The following CSMD3 variants were observed in gnomAD, a reference collection of about 807,000 sequenced individuals.
CSMD3 encodes CUB and Sushi multiple domains 3.
In CSMD3, 177 loss-of-function variants were observed where a neutral mutation model predicts 435.2. The observed-to-expected ratio is 0.41, with a 90% CI of 0.36 to 0.46. The LOEUF (loss-of-function observed/expected upper bound fraction) is 0.46, where lower values mean the gene tolerates loss of function less well. CSMD3 is among the 20% of genes least tolerant of loss of function. The pLI is 0.34. For synonymous variants in CSMD3, 1,656 were observed against 1,520.5 expected (o/e 1.09, Z -2.07); for missense variants, 4,265 against 4,504.6 (o/e 0.95, Z 1.52).
At chr8:112,756,678 C>T (rs548880386) in intron 13 of CSMD3, among the ~76,000 whole-genome samples, 5 of 151,850 alleles carry the variant, frequency 3.3e-5, no homozygotes, top group South Asian at 2.1e-4. Context: ...ACATGTACTA[C>T]GTTAGAATGA....
At chr8:113,195,814 T>TATATATATATATATAA (rs1344054794) in intron 3 of CSMD3, among the ~76,000 whole-genome samples, 1 of 133,444 alleles carries the variant, frequency 7.5e-6, no homozygotes, top group African/African-American at 2.9e-5. Context: ...TATATATATA[T>TATATATATATATATAA]ACACACACAC....
In CSMD3 at chr8:112,905,130, T is replaced by C. The variant is rs545348767; in HGVS notation, c.1633+16497A>G. 4.0e-5 allele frequency among the ~76,000 whole-genome samples: 6 copies of C among 151,420 alleles called. 1 individual carries two copies. In the South Asian group the frequency reaches 8.3e-4, roughly 21 times the overall value. On this transcript the variant is annotated intron_variant, in intron 10 of 70. Transcript: ENST00000297405. ...TGAGAAATAGCAAAATAAAGATATA[T>C]GGTAGACAGTGCCCTTAGCTTATGA... is the stretch of plus-strand genomic sequence containing the variant.
intron 31 of CSMD3, among the ~76,000 whole-genome samples, chr8:112,481,588 C>T (rs1230214695): frequency 1.3e-5 from 2 of 152,056 alleles, no homozygotes; most frequent in Admixed American, 6.6e-5. Flanking sequence ...AACTGCTGTA[C>T]CTTACAAAAC....
intron 3 of CSMD3, among the ~76,000 whole-genome samples, chr8:113,209,503 C>T (rs760084397): frequency 2.0e-5 from 3 of 151,968 alleles, no homozygotes; most frequent in Admixed American, 1.3e-4. Flanking sequence ...GGAAGTCTTA[C>T]GGTGTTAATG....
chr8:112,489,509 T>C (rs569637057), intron 31 of CSMD3, among the ~76,000 whole-genome samples: 49 of 152,344 alleles, frequency 3.2e-4, no homozygotes, highest in Admixed American at 2.7e-3. Context: ...ATTTGATATG[T>C]GACATTGATT....
intron 3 of CSMD3, among the ~76,000 whole-genome samples, chr8:113,260,116 G>A (rs1398489104): frequency 6.6e-6 from 1 of 152,106 alleles, no homozygotes; most frequent in East Asian, 1.9e-4. Context: ...CTAGCCCTGT[G>A]GAACTGTGAG....
chr8:112,340,160 T>C (rs1824959171), intron 42 of CSMD3, among the ~76,000 whole-genome samples: 1 of 152,240 alleles, frequency 6.6e-6, no homozygotes, highest in African/African-American at 2.4e-5. Flanking sequence ...TAAGGCCATG[T>C]ACACTTGCTA....
At chr8:112,647,590 G>A (rs188035988) in intron 19 of CSMD3, among the ~76,000 whole-genome samples, 42 of 152,268 alleles carry the variant, frequency 2.8e-4, no homozygotes, top group African/African-American at 9.4e-4. Flanking sequence ...ACAGGCGTAA[G>A]CCACCGCACC....
chr8:112,339,765 AT>A (rs1824924307), intron 42 of CSMD3, among the ~76,000 whole-genome samples: 1 of 152,160 alleles, frequency 6.6e-6, no homozygotes, highest in South Asian at 2.1e-4. Context: ...CACAAAATCA[AT>A]CCAAAAATAA....
intron 1 of CSMD3, among the ~76,000 whole-genome samples, chr8:113,316,799 C>T (rs534057548): frequency 6.9e-5 from 4 of 57,870 alleles, no homozygotes; most frequent in Non-Finnish European, 9.3e-5. Context: ...AACCACCCAC[C>T]TCAGCCTCCA....
At chr8:112,564,590 T>A (rs1828918698) in intron 24 of CSMD3, among the ~76,000 whole-genome samples, 1 of 152,064 alleles carries the variant, frequency 6.6e-6, no homozygotes, top group African/African-American at 2.4e-5. Context: ...TCAGGGAAAC[T>A]GCTGCCACAT....
chr8:113,431,829 ACAG>A (rs2094675547), intron 1 of CSMD3, among the ~76,000 whole-genome samples: 1 of 152,112 alleles, frequency 6.6e-6, no homozygotes, highest in African/African-American at 2.4e-5. Context: ...AGAATCATGC[ACAG>A]ATGACATTTG....
At chr8:113,377,161 G>A in intron 1 of CSMD3, 1 of 1,247,856 alleles carries the variant, frequency 8.0e-7, no homozygotes. Context: ...GTACGCCCCG[G>A]AAACCCTGCA....
At chr8:112,664,531 C>T (rs1373651024) in intron 17 of CSMD3, among the ~76,000 whole-genome samples, 1 of 151,992 alleles carries the variant, frequency 6.6e-6, no homozygotes, top group East Asian at 1.9e-4. Context: ...CAACAAAATG[C>T]CAAATGAATG....
chr8:112,617,363 T>A (rs1833739572), intron 22 of CSMD3, among the ~76,000 whole-genome samples: 1 of 152,204 alleles, frequency 6.6e-6, no homozygotes, highest in Admixed American at 6.6e-5. Flanking sequence ...CCCAGGCCAT[T>A]ATTAAAATGG....
intron 9 of CSMD3, among the ~76,000 whole-genome samples, chr8:112,946,582 G>GA (rs149236693): frequency 6.6e-6 from 1 of 151,500 alleles, no homozygotes; most frequent in African/African-American, 2.4e-5. Context: ...AAAATACTTG[G>GA]AAAAAATAAT....
chr8:112,558,832 T>A (rs537306437), intron 24 of CSMD3, among the ~76,000 whole-genome samples: 2 of 152,012 alleles, frequency 1.3e-5, no homozygotes, highest in African/African-American at 4.8e-5. Flanking sequence ...ACAAATAATG[T>A]CAATTGCAAA....
intron 57 of CSMD3, 144 bp downstream of exon 57, chr8:112,289,221 A>T (rs983512368): frequency 4.0e-6 from 3 of 745,622 alleles, no homozygotes; most frequent in Non-Finnish European, 7.2e-6. Flanking sequence ...AGTAATGTGT[A>T]AGCAGTGTTT....
chr8:112,383,793 TTTTTAA>T, intron 36 of CSMD3, 130 bp from the exon 37 acceptor site: 1 of 699,832 alleles, frequency 1.4e-6, no homozygotes, highest in Non-Finnish European at 2.6e-6. Flanking sequence ...CATAGAAGGG[TTTTTAA>T]CAGAACTGAT....
Sources: allele counts gnomAD v4.1 joint callset (sites outside exome capture counted in the v4.1 genomes callset), GRCh38; gene constraint gnomAD v4.1.1; transcripts MANE v1.5; gene names NCBI Gene and HGNC (gene_info 2026-07-23, HGNC 2026-07-21).